SLC44A5: variants seen among roughly 807,000 people sequenced by gnomAD.
The protein encoded by SLC44A5 is solute carrier family 44 member 5, also known as choline transporter-like protein 5.
A neutral mutation model predicts 101.8 loss-of-function variants in SLC44A5; 57 were observed. That is an observed-to-expected ratio of 0.56 (90% CI 0.45 to 0.70). SLC44A5 has a LOEUF of 0.70. SLC44A5 is among the 30% of genes least tolerant of loss of function. The pLI is 0.00. For synonymous variants in SLC44A5, 281 were observed against 290.9 expected (o/e 0.97, Z 0.35); for missense variants, 737 against 853.1 (o/e 0.86, Z 1.70).
intron 2 of SLC44A5, among the ~76,000 whole-genome samples, chr1:75,511,117 T>C (rs1006022864): frequency 3.3e-5 from 5 of 151,956 alleles, no homozygotes; most frequent in Non-Finnish European, 4.4e-5. Context: ...CACTCCAGCC[T>C]GGGCGACGGA....
intron 2 of SLC44A5, among the ~76,000 whole-genome samples, chr1:75,448,287 A>G (rs968545514): frequency 3.9e-5 from 6 of 152,226 alleles, no homozygotes; most frequent in African/African-American, 1.4e-4. Context: ...GTCTGCATAG[A>G]TGGAAACATG....
chr1:75,457,246 G>T (rs1378385617), intron 2 of SLC44A5, among the ~76,000 whole-genome samples: 1 of 151,986 alleles, frequency 6.6e-6, no homozygotes, highest in African/African-American at 2.4e-5. Flanking sequence ...CGTATGCTTG[G>T]GACAGTGATA....
intron 2 of SLC44A5, among the ~76,000 whole-genome samples, chr1:75,410,489 G>A (rs1007482118): frequency 5.9e-5 from 9 of 152,112 alleles, no homozygotes; most frequent in Non-Finnish European, 1.2e-4. Flanking sequence ...CTCAAGTGAA[G>A]TCATCTTAAA....
chr1:75,680,338 C>T, the SLC44A5 span, among the ~76,000 whole-genome samples: 1 of 151,936 alleles, frequency 6.6e-6, no homozygotes, highest in Non-Finnish European at 1.5e-5. Context: ...CACACCTATT[C>T]CAAAATTGAC....
intron 2 of SLC44A5, among the ~76,000 whole-genome samples, chr1:75,465,776 C>T (rs967050024): frequency 6.6e-6 from 1 of 152,022 alleles, no homozygotes; most frequent in Admixed American, 6.5e-5. Context: ...ATTAAAAAAT[C>T]TAGAAGAAAT....
chr1:75,659,485 G>GAAGGAAGGAAGGAAGGAAGGAAGGAAGA, the SLC44A5 span, among the ~76,000 whole-genome samples: 8 of 69,696 alleles, frequency 1.1e-4, no homozygotes, highest in Non-Finnish European at 1.9e-4. Flanking sequence ...AGGAAGGAAG[G>GAAGGAAGGAAGGAAGGAAGGAAGGAAGA]AAGGAAGGCA....
chr1:75,300,014 C>CAAAAAAAAAAAAAAAAAAAAAAAA (rs35608663), intron 5 of SLC44A5, among the ~76,000 whole-genome samples: 8 of 93,778 alleles, frequency 8.5e-5, no homozygotes, highest in African/African-American at 4.3e-4. Flanking sequence ...GACTCTGTCT[C>CAAAAAAAAAAAAAAAAAAAAAAAA]AAAAAAAAAA....
chr1:75,428,900 G>A (rs1354650387), intron 2 of SLC44A5, among the ~76,000 whole-genome samples: 1 of 152,190 alleles, frequency 6.6e-6, no homozygotes, highest in African/African-American at 2.4e-5. Flanking sequence ...AGTGCCAGAA[G>A]TAAGAGTCTT....
At chr1:75,723,920 T>C in the SLC44A5 span, 4 of 152,136 alleles carry the variant, frequency 2.6e-5, no homozygotes, top group South Asian at 8.3e-4. Flanking sequence ...GTTAAGTTAG[T>C]ATAAGATTTA....
intron 2 of SLC44A5, among the ~76,000 whole-genome samples, chr1:75,466,919 A>T (rs1458502605): frequency 6.6e-6 from 1 of 152,190 alleles, no homozygotes; most frequent in East Asian, 1.9e-4. Flanking sequence ...AGATGATATG[A>T]TTTTGTATTT....
intron 4 of SLC44A5, chr1:75,311,494 T>C (rs1319153532): frequency 1.1e-6 from 1 of 921,744 alleles, no homozygotes; most frequent in Non-Finnish European, 1.3e-6. Context: ...GTCTCAGTTC[T>C]CTTACAACAA....
In SLC44A5 at chr1:75,525,128, C is replaced by T. The variant is rs112228395; in HGVS notation, c.13+16307G>A. Among the ~76,000 whole-genome samples the T allele has an allele frequency of 5.8e-3, 882 of 152,168 alleles. 3 individuals are homozygous for T. The highest frequency in any genetic ancestry group is 0.02 in the African/African-American group (841 of 41,536). On this transcript the variant is annotated intron_variant, in intron 2 of 23. Transcript: ENST00000370859. ...AATAATTATTTCAGGCAAAGATCGT[C>T]AATGCATTTTAAAATATTTAGGTGA...
chr1:75,623,230 T>C, the SLC44A5 span, among the ~76,000 whole-genome samples: 1 of 149,322 alleles, frequency 6.7e-6, no homozygotes, highest in Non-Finnish European at 1.5e-5. Flanking sequence ...ACAAAAAACA[T>C]AGTGCTATAG....
At chr1:75,697,603 A>G in the SLC44A5 span, among the ~76,000 whole-genome samples, 1 of 152,188 alleles carries the variant, frequency 6.6e-6, no homozygotes, top group Non-Finnish European at 1.5e-5. Flanking sequence ...CCTGAGCAAC[A>G]CGGCGAAACT....
chr1:75,659,519 A>AT, the SLC44A5 span, among the ~76,000 whole-genome samples: 2 of 38,950 alleles, frequency 5.1e-5, no homozygotes, highest in Non-Finnish European at 1.2e-4. Flanking sequence ...GCAGGCAGGC[A>AT]GGCAGGCAGG....
chr1:75,214,584 T>C, intron 20 of SLC44A5, 21 bp downstream of exon 20: 1 of 1,597,944 alleles, frequency 6.3e-7, no homozygotes, highest in Non-Finnish European at 8.6e-7. Flanking sequence ...TTAAATTACA[T>C]TGTGCAGCCT....
chr1:75,484,309 G>A (rs1291532649), intron 2 of SLC44A5, among the ~76,000 whole-genome samples: 1 of 152,184 alleles, frequency 6.6e-6, no homozygotes, highest in East Asian at 1.9e-4. Context: ...TTGGGTAAAT[G>A]TTTCCATTCC....
At chr1:75,702,254 A>T in the SLC44A5 span, among the ~76,000 whole-genome samples, 1 of 152,354 alleles carries the variant, frequency 6.6e-6, no homozygotes, top group East Asian at 1.9e-4. Context: ...CCTGACTTCA[A>T]ACTATACTAC....
intron 14 of SLC44A5, among the ~76,000 whole-genome samples, chr1:75,221,062 C>A (rs1647069160): frequency 6.6e-6 from 1 of 152,138 alleles, no homozygotes; most frequent in African/African-American, 2.4e-5. Flanking sequence ...TGCACAATAT[C>A]ATACTACTTA....
Sources: gnomAD v4.1 joint callset for allele counts (sites outside exome capture counted in the v4.1 genomes callset) on GRCh38, gnomAD v4.1.1 for gene constraint, MANE v1.5 for transcripts, NCBI Gene and HGNC (gene_info 2026-07-23, HGNC 2026-07-21) for gene names.